DCC: variants seen among roughly 807,000 people sequenced by gnomAD.
DCC encodes the protein netrin receptor DCC.
DCC carries 58 observed loss-of-function variants against 172.5 expected under a neutral mutation model. The ratio of observed to expected loss-of-function variants is 0.34; its 90% confidence interval spans 0.27 to 0.42. DCC has a LOEUF of 0.42. Ranked by LOEUF, DCC falls within the 10% of genes least tolerant of loss-of-function variation. The probability of loss-of-function intolerance (pLI) is 1.00; values close to 1 mark genes in which losing one functional copy is unlikely to be tolerated. For missense variants in DCC, 1,740 were observed against 1,791.0 expected (o/e 0.97, Z 0.51); for synonymous variants, 709 against 644.5 (o/e 1.10, Z -1.52).
intron 2 of DCC, among the ~76,000 whole-genome samples, chr18:52,848,750 TTCTC>T (rs1257222258): frequency 6.6e-6 from 1 of 152,208 alleles, no homozygotes; most frequent in African/African-American, 2.4e-5. Context: ...TTATCCATCT[TTCTC>T]TAATGGTTTA....
chr18:52,594,113 A>G (rs1425697425), intron 1 of DCC, among the ~76,000 whole-genome samples: 1 of 152,200 alleles, frequency 6.6e-6, no homozygotes, highest in Non-Finnish European at 1.5e-5. Context: ...GCCTCTTCAG[A>G]GAAAAGGCTA....
intron 2 of DCC, among the ~76,000 whole-genome samples, chr18:52,859,541 G>A (rs1020042930): frequency 6.6e-6 from 1 of 151,502 alleles, no homozygotes; most frequent in African/African-American, 2.4e-5. Context: ...GGAAGAGGAG[G>A]CCTGGATAGC....
chr18:52,846,344 C>T (rs111557229), intron 2 of DCC, among the ~76,000 whole-genome samples: 4,073 of 152,028 alleles, frequency 0.027, 163 homozygotes, highest in African/African-American at 0.09. Flanking sequence ...GAGTTCCAGA[C>T]GAGCCCGGGC....
intron 5 of DCC, among the ~76,000 whole-genome samples, chr18:52,968,353 T>C (rs540645478): frequency 3.3e-5 from 5 of 152,232 alleles, no homozygotes; most frequent in South Asian, 2.1e-4. Flanking sequence ...AAGTATTATA[T>C]AGAGGAGAGC....
chr18:53,346,751 C>T (rs1263267549), intron 15 of DCC, among the ~76,000 whole-genome samples: 2 of 152,140 alleles, frequency 1.3e-5, no homozygotes, highest in Non-Finnish European at 2.9e-5. Flanking sequence ...ATAATTTCAA[C>T]ATCTGCACCA....
At chr18:53,129,013 A>C (rs1242168515) in intron 7 of DCC, among the ~76,000 whole-genome samples, 1 of 151,464 alleles carries the variant, frequency 6.6e-6, no homozygotes, top group Non-Finnish European at 1.5e-5. Flanking sequence ...CAGCTTCCTG[A>C]GTAGCTGGGA....
intron 7 of DCC, among the ~76,000 whole-genome samples, chr18:53,156,402 T>C (rs946532004): frequency 2.6e-5 from 4 of 151,768 alleles, no homozygotes; most frequent in Admixed American, 2.0e-4. Flanking sequence ...GAGAATCACT[T>C]GAACCTGGAG....
chr18:52,715,524 C>G (rs2036365373), intron 1 of DCC, among the ~76,000 whole-genome samples: 1 of 152,082 alleles, frequency 6.6e-6, no homozygotes, highest in Non-Finnish European at 1.5e-5. Context: ...AGGCTGGTCT[C>G]AAGCTCCTTA....
intron 12 of DCC, among the ~76,000 whole-genome samples, chr18:53,245,961 T>C (rs1231621750): frequency 2.6e-5 from 4 of 152,084 alleles, no homozygotes; most frequent in Non-Finnish European, 5.9e-5. Context: ...GCATTTTGGA[T>C]ACCTTCACAG....
intron 26 of DCC, among the ~76,000 whole-genome samples, chr18:53,492,653 C>T (rs907557766): frequency 2.0e-5 from 3 of 152,134 alleles, no homozygotes; most frequent in African/African-American, 4.8e-5. Flanking sequence ...CCGTTCTGTT[C>T]TGTTGGTCTG....
chr18:52,800,767 G>A (rs1304256213), intron 2 of DCC, among the ~76,000 whole-genome samples: 1 of 152,172 alleles, frequency 6.6e-6, no homozygotes, highest in African/African-American at 2.4e-5. Context: ...AAAAGCAAGA[G>A]AAGTTTTCTT....
intron 27 of DCC, among the ~76,000 whole-genome samples, chr18:53,521,705 C>T (rs1017638360): frequency 1.3e-5 from 2 of 152,080 alleles, no homozygotes; most frequent in African/African-American, 4.8e-5. Flanking sequence ...ATGTGTTAAA[C>T]ATGCATTGCA....
intron 13 of DCC, among the ~76,000 whole-genome samples, chr18:53,318,492 T>A (rs996622745): frequency 4.6e-5 from 7 of 152,312 alleles, no homozygotes; most frequent in African/African-American, 2.4e-5. Context: ...TAGATGTCTG[T>A]TAGGTCCTCT....
At chr18:52,593,038 C>T (rs1370937002) in intron 1 of DCC, among the ~76,000 whole-genome samples, 1 of 152,162 alleles carries the variant, frequency 6.6e-6, no homozygotes, top group Non-Finnish European at 1.5e-5. Context: ...GGCCCTTTAC[C>T]ATGCTCCTCA....
chr18:53,093,644 T>A lies in DCC; in HGVS notation c.1261+27478T>A, dbSNP rs1013339763. On this transcript the variant is annotated intron_variant, in intron 7 of 28. Transcript: ENST00000442544. The stretch of plus-strand genomic sequence containing the variant: ...TCCATAATTATTGACACCTATTTAA[T>A]TTATCTTCTCATCAATAGTGAAGCC... Among the ~76,000 whole-genome samples the A allele has an allele frequency of 2.0e-5, 3 of 152,216 alleles. No individual in the cohort carries two copies. The East Asian group carries it at 5.8e-4, about 29-fold the overall frequency.
chr18:52,901,198 CAAGGCAGGTGGATCATTTG>C (rs1228091023), intron 2 of DCC, among the ~76,000 whole-genome samples: 40 of 152,064 alleles, frequency 2.6e-4, no homozygotes, highest in Non-Finnish European at 1.5e-5. Flanking sequence ...TTCAGGATGC[CAAGGCAGGTGGATCATTTG>C]AAGTCAGGAG....
At chr18:52,389,979 A>T (rs1474872583) in intron 1 of DCC, among the ~76,000 whole-genome samples, 1 of 152,072 alleles carries the variant, frequency 6.6e-6, no homozygotes, top group African/African-American at 2.4e-5. Context: ...CCAATTTTTC[A>T]TATAGAGAGA....
At chr18:52,942,075 G>A (rs1335002892) in intron 5 of DCC, among the ~76,000 whole-genome samples, 1 of 152,138 alleles carries the variant, frequency 6.6e-6, no homozygotes, top group Non-Finnish European at 1.5e-5. Context: ...GAGCCACTGC[G>A]CCTGGCCCAT....
intron 1 of DCC, among the ~76,000 whole-genome samples, chr18:52,617,289 A>G (rs1316923141): frequency 1.3e-5 from 2 of 152,176 alleles, no homozygotes. Context: ...AAAGAGATAG[A>G]GAATAGTGGA....
Sources: gnomAD v4.1 joint callset for allele counts (sites outside exome capture counted in the v4.1 genomes callset) on GRCh38, gnomAD v4.1.1 for gene constraint, MANE v1.5 for transcripts, NCBI Gene and HGNC (gene_info 2026-07-23, HGNC 2026-07-21) for gene names.